Variants in SLC25A30 observed in about 807,000 individuals in gnomAD.
SLC25A30 encodes the protein kidney mitochondrial carrier protein 1.
A neutral mutation model predicts 42.7 loss-of-function variants in SLC25A30; 29 were observed. That is an observed-to-expected ratio of 0.68 (90% confidence interval 0.51 to 0.93). The LOEUF (loss-of-function observed/expected upper bound fraction) is 0.93, where lower values mean the gene tolerates loss of function less well. Among genes scored for constraint, SLC25A30 ranks in the 40% least tolerant of loss-of-function variants. SLC25A30 has a pLI of 0.00. For missense variants in SLC25A30, 300 were observed against 359.7 expected (o/e 0.83, Z 1.34); for synonymous variants, 124 against 131.0 (o/e 0.95, Z 0.37).
At chr13:45,424,102 TA>T in the SLC25A30 span, among the ~76,000 whole-genome samples, 2 of 86,508 alleles carry the variant, frequency 2.3e-5, no homozygotes, top group East Asian at 3.4e-4. Context: ...TATAAATATA[TA>T]AAAATATATA....
rs1881143638 is a variant in SLC25A30 at position 45,394,127 on chromosome 13, A to G, written c.*1847T>C. 1 of 985,394 alleles carries G rather than the reference A, an allele frequency of 1.0e-6. No individual in the cohort carries two copies. The highest frequency in any genetic ancestry group is 1.1e-4 in the East Asian group (1 of 8,814). 61.0% of individuals were successfully genotyped at this position (985,394 alleles called of 1,614,324 possible). On this transcript the variant is annotated 3_prime_UTR_variant, in exon 10 of 10. Coordinates refer to ENST00000519676, the MANE Select transcript of SLC25A30 (RefSeq NM_001010875.4). ...AAAAAATCCTAAGGTGTAGTTTAGA[A>G]CAAGCAGCAAGGCCTGAATGAGCTC...
chr13:45,412,023 GTGGGGATCA>G (rs1883079938), intron 1 of SLC25A30: 1 of 86,760 alleles, frequency 1.2e-5, no homozygotes, highest in Admixed American at 1.4e-4. Flanking sequence ...GGGGGGTGGG[GTGGGGATCA>G]CATCCCTCAG....
At chr13:45,422,050 T>C (rs1883902616), upstream of SLC25A30, among the ~76,000 whole-genome samples, 1 of 152,158 alleles carries the variant, frequency 6.6e-6, no homozygotes, top group Non-Finnish European at 1.5e-5. Flanking sequence ...ATGATGCCAA[T>C]CTCTATGAGG....
chr13:45,429,289 G>A, the SLC25A30 span, among the ~76,000 whole-genome samples: 1 of 151,422 alleles, frequency 6.6e-6, no homozygotes, highest in Admixed American at 6.6e-5. Flanking sequence ...GGCTGGTCTC[G>A]AACTCCTGAC....
At chr13:45,426,710 T>C in the SLC25A30 span, among the ~76,000 whole-genome samples, 2 of 152,166 alleles carry the variant, frequency 1.3e-5, no homozygotes, top group African/African-American at 2.4e-5. Context: ...GCGGACACTC[T>C]TGTAACAAGA....
upstream of SLC25A30, among the ~76,000 whole-genome samples, chr13:45,422,769 T>C (rs1392363553): frequency 6.6e-6 from 1 of 152,162 alleles, no homozygotes; most frequent in African/African-American, 2.4e-5. Context: ...AGTCACTGAA[T>C]GGCTGTATAA....
chr13:45,423,413 T>A (rs994762559), upstream of SLC25A30, among the ~76,000 whole-genome samples: 1 of 149,236 alleles, frequency 6.7e-6, no homozygotes, highest in Non-Finnish European at 1.5e-5. Context: ...TATTTTGGTA[T>A]CTTTTTAATT....
chr13:45,423,784 A>C, the SLC25A30 span, among the ~76,000 whole-genome samples: 1 of 75,800 alleles, frequency 1.3e-5, no homozygotes, highest in Non-Finnish European at 2.3e-5. Flanking sequence ...ATAAATATAT[A>C]AATATATAAA....
At chr13:45,411,277 T>A in intron 2 of SLC25A30, 85 bp downstream of exon 2, 1 of 1,039,024 alleles carries the variant, frequency 9.6e-7, no homozygotes, top group Non-Finnish European at 1.5e-6. Context: ...CATTTCATCA[T>A]CTCACATTCT....
chr13:45,425,096 T>A, the SLC25A30 span, among the ~76,000 whole-genome samples: 741 of 10,134 alleles, frequency 0.073, 26 homozygotes, highest in East Asian at 0.11. Context: ...ATAAATATAT[T>A]TATAAATATA....
rs77443787 is a variant in SLC25A30, at chr13:45,395,464, G to A, written c.*510C>T. ...ATTCCTAGGATCCATTTCCTGCACC[G>A]TTTATACCTGGGGTTGAACAGTCCA... On this transcript the variant is annotated 3_prime_UTR_variant, in exon 10 of 10. Coordinates refer to ENST00000519676, the MANE Select transcript of SLC25A30 (RefSeq NM_001010875.4). The A allele has an allele frequency of 5.6e-4, 556 of 992,136 alleles. 4 individuals carry two copies. In the South Asian group the frequency reaches 0.015, roughly 26 times the overall value. 61.5% of individuals were successfully genotyped at this position (992,136 alleles called of 1,614,324 possible).
intron 6 of SLC25A30, among the ~76,000 whole-genome samples, 156 bp downstream of exon 6, chr13:45,402,119 G>C (rs1403758742): frequency 3.3e-5 from 5 of 150,974 alleles, no homozygotes; most frequent in African/African-American, 1.2e-4. Context: ...TTTATAGATA[G>C]GGAAATAAAG....
rs1322955547 is a variant in SLC25A30 at position 45,400,014 on chromosome 13, T to TTATATATATATATA, written c.615-950_615-937dup. Among the ~76,000 whole-genome samples, 629 of 87,802 alleles carry TTATATATATATATA rather than the reference T, an allele frequency of 7.2e-3. 2 individuals are homozygous for TTATATATATATATA. The highest frequency in any genetic ancestry group is 0.012 in the East Asian group (41 of 3,494). The allele number at this position is 87,802 out of a possible 152,430, so 57.6% of individuals were successfully genotyped here. On this transcript the variant is annotated intron_variant, in intron 7 of 9. Coordinates refer to ENST00000519676, the MANE Select transcript of SLC25A30 (RefSeq NM_001010875.4). ...TTGCCCACCAATGGATTATGTATGA[T>TTATATATATATATA]TATATATATATATATATATACACAC...
At chr13:45,397,959 CAAAT>C (rs1881531483) in intron 8 of SLC25A30, 3 of 985,284 alleles carry the variant, frequency 3.0e-6, no homozygotes, top group South Asian at 9.4e-5. Flanking sequence ...GAACAGGTCA[CAAAT>C]AAAGAAGCAA....
intron 2 of SLC25A30, among the ~76,000 whole-genome samples, chr13:45,410,739 G>A (rs564840434): frequency 6.6e-6 from 1 of 152,256 alleles, no homozygotes; most frequent in South Asian, 2.1e-4. Flanking sequence ...TTGAGCACGG[G>A]AGGCGGAGGC....
chr13:45,419,364 G>C (rs978413075), upstream of SLC25A30, among the ~76,000 whole-genome samples: 6 of 150,924 alleles, frequency 4.0e-5, no homozygotes, highest in Non-Finnish European at 1.5e-5. Context: ...TGTTGCCCAG[G>C]CTGGAGTGCA....
rs368307008 is a variant in SLC25A30, at chr13:45,411,393, G to A, written c.33C>T (p.Tyr11=). 32 of 1,614,032 alleles carry A rather than the reference G, an allele frequency of 2.0e-5. No individual in the cohort carries two copies. The highest frequency in any genetic ancestry group is 4.5e-5 in the East Asian group (2 of 44,880). Residue 11 remains tyrosine, a synonymous_variant, in exon 2 of 10, where the codon TAC becomes TAT. Coordinates refer to ENST00000519676, the MANE Select transcript of SLC25A30 (RefSeq NM_001010875.4). MSALNWKPFV[Y]GGLASITAEC... ...CAGCAGTGATGGAGGCCAGCCCCCCGTACACAAACGGCTTCCAGTTGAGGG... is the reference window on the plus strand; with the variant it reads ...CAGCAGTGATGGAGGCCAGCCCCCCATACACAAACGGCTTCCAGTTGAGGG...
At chr13:45,424,917 T>G in the SLC25A30 span, among the ~76,000 whole-genome samples, 1 of 60,890 alleles carries the variant, frequency 1.6e-5, no homozygotes, top group Non-Finnish European at 2.6e-5. Context: ...TATATATAAA[T>G]ATATATAAAT....
intron 2 of SLC25A30, among the ~76,000 whole-genome samples, chr13:45,409,746 T>C (rs570725623): frequency 6.6e-6 from 1 of 152,028 alleles, no homozygotes; most frequent in South Asian, 2.1e-4. Flanking sequence ...GAGGCAGAGG[T>C]TGCAGTGAGC....
Sources: gnomAD v4.1 joint callset for allele counts (sites outside exome capture counted in the v4.1 genomes callset) on GRCh38, gnomAD v4.1.1 for gene constraint, MANE v1.5 for transcripts, NCBI Gene and HGNC (gene_info 2026-07-23, HGNC 2026-07-21) for gene names.